The following SPAM1 variants were observed in gnomAD, a reference collection of about 807,000 sequenced individuals.
SPAM1 encodes the protein sperm adhesion molecule 1.
SPAM1 carries 22 observed loss-of-function variants against 29.6 expected under a neutral mutation model. The ratio of observed to expected loss-of-function variants is 0.74; its 90% confidence interval spans 0.53 to 1.06. SPAM1 has a LOEUF of 1.06. SPAM1 is among the 50% of genes least tolerant of loss of function. The probability of loss-of-function intolerance (pLI) is 0.00; values close to 1 mark genes in which losing one functional copy is unlikely to be tolerated. For synonymous variants in SPAM1, 194 were observed against 204.6 expected, an observed-to-expected ratio of 0.95 and a Z score of 0.44; for missense variants, 534 against 604.0, an observed-to-expected ratio of 0.88 and a Z score of 1.21.
At chr7:123,937,556 G>C (rs530050707) in intron 1 of SPAM1, among the ~76,000 whole-genome samples, 17 of 140,436 alleles carry the variant, frequency 1.2e-4, no homozygotes, top group Middle Eastern at 8.4e-3. Flanking sequence ...AGCCGAGATC[G>C]CGCCACTGCA....
chr7:123,944,295 G>A (rs551565900), intron 1 of SPAM1, among the ~76,000 whole-genome samples: 22 of 152,170 alleles, frequency 1.4e-4, no homozygotes, highest in African/African-American at 4.8e-4. Context: ...GATTTAGCAA[G>A]ATTTGGGGTC....
At chr7:123,952,741 C>G (rs765967364) in intron 2 of SPAM1, among the ~76,000 whole-genome samples, 2 of 151,806 alleles carry the variant, frequency 1.3e-5, no homozygotes, top group African/African-American at 4.8e-5. Flanking sequence ...GTTTTATTAA[C>G]TTTAGGCATG....
At chr7:123,969,207 G>T (rs945356011) in intron 5 of SPAM1, among the ~76,000 whole-genome samples, 3 of 151,990 alleles carry the variant, frequency 2.0e-5, no homozygotes, top group African/African-American at 7.2e-5. Flanking sequence ...CAGATGAACT[G>T]TTTACAAATA....
chr7:123,964,932 T>C (rs1172354594), downstream of SPAM1, among the ~76,000 whole-genome samples: 1 of 152,068 alleles, frequency 6.6e-6, no homozygotes, highest in Non-Finnish European at 1.5e-5. Flanking sequence ...AGTGATGTTC[T>C]GTTTCCACAT....
rs552953831 is a variant in SPAM1, at chr7:123,959,741, T to C, written c.1302T>C (p.Tyr434=). Residue 434 remains tyrosine (Y), a synonymous_variant, in exon 5 of 5, where the codon TAT becomes TAC. Transcript: ENST00000682466. ...EDLEQFSEKF[Y]CSCYSTLSCK... ...TGGAGCAATTTTCTGAAAAATTTTATTGCAGCTGTTATAGCACCTTGAGTT... is the reference window on the plus strand; with the variant it reads ...TGGAGCAATTTTCTGAAAAATTTTACTGCAGCTGTTATAGCACCTTGAGTT... 15 of 1,613,304 alleles carry C rather than the reference T, an allele frequency of 9.3e-6. No homozygotes were observed. The South Asian group carries it at 1.5e-4, about 17-fold the overall frequency.
chr7:123,946,661 C>A (rs1321307210), intron 1 of SPAM1, among the ~76,000 whole-genome samples: 1 of 152,120 alleles, frequency 6.6e-6, no homozygotes, highest in Non-Finnish European at 1.5e-5. Flanking sequence ...CAGGGCAGGA[C>A]AACTTGAGGT....
chr7:123,927,209 A>G (rs1807914913), intron 1 of SPAM1, among the ~76,000 whole-genome samples: 1 of 152,176 alleles, frequency 6.6e-6, no homozygotes, highest in African/African-American at 2.4e-5. Context: ...GTAAGATAAA[A>G]AATCAGAGCT....
At chr7:123,931,092 G>A (rs1354107255) in intron 1 of SPAM1, among the ~76,000 whole-genome samples, 1 of 152,156 alleles carries the variant, frequency 6.6e-6, no homozygotes, top group Non-Finnish European at 1.5e-5. Context: ...GTTGGACAAT[G>A]AGGATGCTGC....
At chr7:123,961,486 C>A (rs1260857854), downstream of SPAM1, among the ~76,000 whole-genome samples, 2 of 151,838 alleles carry the variant, frequency 1.3e-5, no homozygotes, top group Non-Finnish European at 2.9e-5. Context: ...GTTGTTGCAA[C>A]AAACAAAATG....
chr7:123,939,451 G>T (rs190898221), intron 1 of SPAM1, among the ~76,000 whole-genome samples: 81 of 152,202 alleles, frequency 5.3e-4, no homozygotes, highest in Admixed American at 1.2e-3. Context: ...GCTTGCCTAC[G>T]AAAGACATAC....
intron 2 of SPAM1, among the ~76,000 whole-genome samples, chr7:123,952,491 T>G (rs1032203335): frequency 6.6e-6 from 1 of 152,122 alleles, no homozygotes; most frequent in Non-Finnish European, 1.5e-5. Context: ...TTTTTGCAAA[T>G]ACTAAATGCT....
At chr7:123,943,112 G>A (rs1332211041) in intron 1 of SPAM1, among the ~76,000 whole-genome samples, 2 of 152,098 alleles carry the variant, frequency 1.3e-5, no homozygotes, top group Non-Finnish European at 2.9e-5. Context: ...GATAAACAAA[G>A]GATCAGCAAC....
intron 5 of SPAM1, among the ~76,000 whole-genome samples, chr7:123,969,175 A>T (rs1159695591): frequency 6.6e-6 from 1 of 151,990 alleles, no homozygotes; most frequent in Non-Finnish European, 1.5e-5. Flanking sequence ...TTCCTTATAT[A>T]TTCTGGATAT....
intron 1 of SPAM1, among the ~76,000 whole-genome samples, chr7:123,933,065 TA>T (rs781395632): frequency 1.3e-5 from 2 of 151,096 alleles, no homozygotes; most frequent in African/African-American, 2.4e-5. Flanking sequence ...TTTTTTTTTT[TA>T]AATTTACTTT....
chr7:123,945,080 C>G (rs75263544), intron 1 of SPAM1, among the ~76,000 whole-genome samples: 12,034 of 151,962 alleles, frequency 0.079, 600 homozygotes, highest in Non-Finnish European at 0.11. Flanking sequence ...TCTTTAACAA[C>G]CAGTCATTTT....
intron 4 of SPAM1, among the ~76,000 whole-genome samples, chr7:123,958,978 A>G (rs1401330271): frequency 6.6e-6 from 1 of 151,968 alleles, no homozygotes. Context: ...TAACAACTTT[A>G]TGAGGTAGGC....
At chr7:123,969,778 C>CTT in intron 5 of SPAM1, among the ~76,000 whole-genome samples, 1 of 140,490 alleles carries the variant, frequency 7.1e-6, no homozygotes, top group African/African-American at 2.6e-5. Context: ...TATTTGGGCT[C>CTT]TTTTTTTTTT....
intron 1 of SPAM1, among the ~76,000 whole-genome samples, chr7:123,930,712 G>A (rs187079115): frequency 2.0e-5 from 3 of 152,298 alleles, no homozygotes; most frequent in African/African-American, 4.8e-5. Flanking sequence ...GACCTTGAGA[G>A]CAAATGAGAC....
intron 5 of SPAM1, chr7:123,970,075 A>T (rs1439620644): frequency 1.1e-6 from 1 of 904,658 alleles, no homozygotes; most frequent in Admixed American, 3.0e-5. Context: ...CACTTTCTTT[A>T]CATGGAGTCT....
Sources: allele counts gnomAD v4.1 joint callset (sites outside exome capture counted in the v4.1 genomes callset), GRCh38; gene constraint gnomAD v4.1.1; transcripts MANE v1.5; gene names NCBI Gene and HGNC (gene_info 2026-07-23, HGNC 2026-07-21).